RBM47: variants seen among roughly 807,000 people sequenced by gnomAD.
The protein encoded by RBM47 is RNA-binding protein 47.
RBM47 carries 21 observed loss-of-function variants against 47.1 expected under a neutral mutation model. That is an observed-to-expected ratio of 0.45 (90% CI 0.32 to 0.64). RBM47 has a LOEUF of 0.64. Ranked by LOEUF, RBM47 falls within the 30% of genes least tolerant of loss-of-function variation. RBM47 has a pLI of 0.05. For missense variants in RBM47, 708 were observed against 870.9 expected (o/e 0.81, Z 2.35); for synonymous variants, 375 against 361.7 (o/e 1.04, Z -0.42).
chr4:40,427,577 A>T (rs1219476914), intron 6 of RBM47: 4 of 152,244 alleles, frequency 2.6e-5, no homozygotes, highest in Non-Finnish European at 5.9e-5. Flanking sequence ...CATTCATTTA[A>T]CAAAATATTT....
chr4:40,609,070 T>G (rs1269467814), intron 1 of RBM47, among the ~76,000 whole-genome samples: 4 of 152,276 alleles, frequency 2.6e-5, no homozygotes, highest in Non-Finnish European at 5.9e-5. Context: ...CTCAGCTCAC[T>G]GCAGCTCCGC....
chr4:40,514,209 A>T (rs928278402), intron 2 of RBM47, among the ~76,000 whole-genome samples: 1 of 152,144 alleles, frequency 6.6e-6, no homozygotes. Flanking sequence ...GAAACACAGG[A>T]CCTGGTTCTG....
At chr4:40,573,857 AACTTTG>A (rs1363496173) in intron 1 of RBM47, among the ~76,000 whole-genome samples, 1 of 112,556 alleles carries the variant, frequency 8.9e-6, no homozygotes, top group Non-Finnish European at 1.7e-5. Context: ...AAGAAAAATA[AACTTTG>A]ACTTTGAGGG....
chr4:40,508,084 C>CTGCA (rs1418033231), intron 2 of RBM47, among the ~76,000 whole-genome samples: 7 of 152,178 alleles, frequency 4.6e-5, no homozygotes. Flanking sequence ...AAAGAAAAGT[C>CTGCA]TGCAGTACGT....
At chr4:40,541,215 C>T (rs1286791378) in intron 2 of RBM47, among the ~76,000 whole-genome samples, 2 of 150,304 alleles carry the variant, frequency 1.3e-5, no homozygotes, top group Non-Finnish European at 3.0e-5. Flanking sequence ...GCAGTGAGCC[C>T]TGATTGCACC....
chr4:40,594,054 AAAAC>A (rs1304342151), intron 1 of RBM47, among the ~76,000 whole-genome samples: 1 of 152,060 alleles, frequency 6.6e-6, no homozygotes, highest in Non-Finnish European at 1.5e-5. Flanking sequence ...CCCATCTCAA[AAAAC>A]AAACAAAAAA....
At chr4:40,596,355 A>G (rs1346420950) in intron 1 of RBM47, among the ~76,000 whole-genome samples, 1 of 151,996 alleles carries the variant, frequency 6.6e-6, no homozygotes, top group Non-Finnish European at 1.5e-5. Flanking sequence ...TAAGGGGGGG[A>G]AGAGGTCTTT....
At chr4:40,489,827 A>G (rs1170133211) in intron 2 of RBM47, among the ~76,000 whole-genome samples, 3 of 152,208 alleles carry the variant, frequency 2.0e-5, no homozygotes, top group Admixed American at 6.5e-5. Context: ...CCAGTATTAC[A>G]TGCATAGAAA....
At chr4:40,562,213 G>A (rs1304653024) in intron 1 of RBM47, among the ~76,000 whole-genome samples, 2 of 152,102 alleles carry the variant, frequency 1.3e-5, no homozygotes, top group East Asian at 3.9e-4. Flanking sequence ...GGGTAATCAG[G>A]CTGTAGGATT....
rs150346546 is a variant in RBM47 at position 40,513,880 on chromosome 4, G to A, written c.-155+30542C>T. Reference sequence around the variant, plus strand: ...ACTACCGGCGCACACCACCATGCCCGGCTAATTTTTGTATTTTTGGTAGAG... The same window carrying A: ...ACTACCGGCGCACACCACCATGCCCAGCTAATTTTTGTATTTTTGGTAGAG... On this transcript the variant is annotated intron_variant, in intron 2 of 6. Coordinates refer to ENST00000295971, the MANE Select transcript of RBM47 (RefSeq NM_001098634.2). Among the ~76,000 whole-genome samples, 1,035 of 151,866 alleles carry A rather than the reference G, an allele frequency of 6.8e-3. 13 individuals are homozygous for A. The highest frequency in any genetic ancestry group is 0.024 in the African/African-American group (998 of 41,436).
chr4:40,548,289 G>A (rs1729214696), intron 1 of RBM47, among the ~76,000 whole-genome samples: 3 of 152,220 alleles, frequency 2.0e-5, no homozygotes, highest in Admixed American at 2.0e-4. Context: ...AGAGCGTACA[G>A]GATCTCTGGA....
At chr4:40,494,545 T>C (rs1445977757) in intron 2 of RBM47, among the ~76,000 whole-genome samples, 2 of 152,236 alleles carry the variant, frequency 1.3e-5, no homozygotes, top group East Asian at 3.9e-4. Context: ...TCATTCAGCT[T>C]TGGGGGCAAC....
chr4:40,449,828 A>C (rs373387716), intron 3 of RBM47, among the ~76,000 whole-genome samples: 5 of 151,760 alleles, frequency 3.3e-5, no homozygotes, highest in African/African-American at 1.2e-4. Context: ...ACAGGCATGC[A>C]CCACCACGCC....
intron 1 of RBM47, among the ~76,000 whole-genome samples, chr4:40,583,631 G>C (rs1733216704): frequency 6.6e-6 from 1 of 151,870 alleles, no homozygotes. Context: ...GGCCGAGACG[G>C]GTGGATCATG....
chr4:40,513,564 C>A (rs1725210613), intron 2 of RBM47, among the ~76,000 whole-genome samples: 1 of 152,006 alleles, frequency 6.6e-6, no homozygotes, highest in South Asian at 2.1e-4. Context: ...TTCTACCCAC[C>A]CAAAAAAGCT....
At chr4:40,600,577 T>G (rs1017922208) in intron 1 of RBM47, among the ~76,000 whole-genome samples, 1 of 149,738 alleles carries the variant, frequency 6.7e-6, no homozygotes, top group East Asian at 2.0e-4. Flanking sequence ...GAGCTTGCAG[T>G]GAGCGGAGAT....
intron 2 of RBM47, among the ~76,000 whole-genome samples, chr4:40,507,125 T>G (rs909038974): frequency 6.6e-6 from 1 of 151,902 alleles, no homozygotes; most frequent in Non-Finnish European, 1.5e-5. Context: ...TCTGACAAAT[T>G]TGTATATTTT....
intron 1 of RBM47, among the ~76,000 whole-genome samples, chr4:40,620,634 ATATAG>A (rs1334544917): frequency 6.6e-6 from 1 of 152,216 alleles, no homozygotes; most frequent in Non-Finnish European, 1.5e-5. Flanking sequence ...AGCTCCCTCT[ATATAG>A]TATATTACCA....
At chr4:40,601,316 T>TCTTGGTGCACATGCTTGTCACC (rs1344982468) in intron 1 of RBM47, among the ~76,000 whole-genome samples, 5 of 152,266 alleles carry the variant, frequency 3.3e-5, no homozygotes, top group African/African-American at 1.2e-4. Context: ...CAAGGGAAGT[T>TCTTGGTGCACATGCTTGTCACC]CTTGGTGCAC....
Sources: gnomAD v4.1 joint callset for allele counts (sites outside exome capture counted in the v4.1 genomes callset) on GRCh38, gnomAD v4.1.1 for gene constraint, MANE v1.5 for transcripts, NCBI Gene and HGNC (gene_info 2026-07-23, HGNC 2026-07-21) for gene names.